Variants in AP3B1 observed in about 807,000 individuals in gnomAD.
AP3B1 encodes adaptor related protein complex 3 subunit beta 1.
AP3B1 carries 61 observed loss-of-function variants against 132.5 expected under a neutral mutation model. The ratio of observed to expected loss-of-function variants is 0.46; its 90% CI spans 0.37 to 0.57. The LOEUF (loss-of-function observed/expected upper bound fraction) is 0.57. AP3B1 is among the 20% of genes least tolerant of loss of function. The pLI is 0.00. For missense variants in AP3B1, 1,120 were observed against 1,289.4 expected (o/e 0.87, Z 2.01); for synonymous variants, 388 against 438.3 (o/e 0.89, Z 1.43).
intron 9 of AP3B1, 94 bp downstream of exon 9, chr5:78,177,245 G>C (rs181678476): frequency 1.2e-6 from 1 of 805,470 alleles, no homozygotes; most frequent in Non-Finnish European, 2.1e-6. Context: ...AATATAGTCA[G>C]AGTTATATAT....
chr5:78,293,234 G>A (rs1269735698), intron 1 of AP3B1, among the ~76,000 whole-genome samples: 1 of 152,152 alleles, frequency 6.6e-6, no homozygotes, highest in Non-Finnish European at 1.5e-5. Context: ...AACCATAAAA[G>A]TAAATTAATT....
At chr5:78,275,622 C>A (rs555739013) in intron 1 of AP3B1, among the ~76,000 whole-genome samples, 3 of 151,988 alleles carry the variant, frequency 2.0e-5, no homozygotes, top group Non-Finnish European at 1.5e-5. Context: ...ATTATAGGCA[C>A]GCGCCACCAC....
intron 3 of AP3B1, among the ~76,000 whole-genome samples, chr5:78,234,705 A>G (rs542253081): frequency 1.3e-5 from 2 of 152,328 alleles, no homozygotes; most frequent in African/African-American, 4.8e-5. Flanking sequence ...TCATCTGTAT[A>G]TTGCAAGGAC....
At chr5:78,192,107 G>A (rs1032892324) in intron 7 of AP3B1, among the ~76,000 whole-genome samples, 8 of 151,718 alleles carry the variant, frequency 5.3e-5, no homozygotes, top group Non-Finnish European at 1.0e-4. Context: ...TGATCCGCCC[G>A]CCTCGGCTTC....
chr5:78,279,721 C>T (rs1748956573), intron 1 of AP3B1, among the ~76,000 whole-genome samples: 1 of 150,420 alleles, frequency 6.6e-6, no homozygotes, highest in Non-Finnish European at 1.5e-5. Flanking sequence ...ACAGCCTGGG[C>T]AACATAGGGA....
chr5:78,211,116 T>C (rs1745718181), intron 7 of AP3B1, among the ~76,000 whole-genome samples: 2 of 152,192 alleles, frequency 1.3e-5, no homozygotes, highest in Admixed American at 1.3e-4. Flanking sequence ...CTGCATCAGC[T>C]TTATTTATAA....
intron 2 of AP3B1, among the ~76,000 whole-genome samples, chr5:78,252,014 G>A (rs955189125): frequency 2.0e-5 from 3 of 152,012 alleles, no homozygotes; most frequent in Non-Finnish European, 4.4e-5. Context: ...ATAGGGCACC[G>A]GTCAGAGTCA....
intron 2 of AP3B1, among the ~76,000 whole-genome samples, chr5:78,263,117 T>C (rs936977645): frequency 1.3e-5 from 2 of 152,226 alleles, no homozygotes; most frequent in Non-Finnish European, 2.9e-5. Flanking sequence ...CATTTTGACA[T>C]CTTAACAATA....
intron 24 of AP3B1, among the ~76,000 whole-genome samples, chr5:78,025,393 G>A (rs1747301673): frequency 6.6e-6 from 1 of 152,118 alleles, no homozygotes; most frequent in Non-Finnish European, 1.5e-5. Flanking sequence ...TAGGGAAAGC[G>A]ATCCTGAAAT....
intron 24 of AP3B1, among the ~76,000 whole-genome samples, chr5:78,025,387 G>C (rs536890366): frequency 8.1e-4 from 124 of 152,214 alleles, no homozygotes; most frequent in African/African-American, 2.9e-3. Flanking sequence ...AGGGGGTAGG[G>C]AAAGCGATCC....
chr5:78,191,793 A>G (rs145612531), intron 7 of AP3B1, among the ~76,000 whole-genome samples: 32 of 152,338 alleles, frequency 2.1e-4, no homozygotes, highest in African/African-American at 7.5e-4. Context: ...AAGGGGGCTT[A>G]TGAAGTATAC....
chr5:78,118,777 T>A (rs1198409793), intron 17 of AP3B1, among the ~76,000 whole-genome samples: 1 of 152,192 alleles, frequency 6.6e-6, no homozygotes, highest in Non-Finnish European at 1.5e-5. Context: ...AAGACAGCAG[T>A]AACCTCTGCA....
At chr5:78,287,527 C>T (rs1385201927) in intron 1 of AP3B1, among the ~76,000 whole-genome samples, 1 of 152,114 alleles carries the variant, frequency 6.6e-6, no homozygotes, top group Non-Finnish European at 1.5e-5. Context: ...AACCCTACTG[C>T]ACCACTGAAA....
intron 12 of AP3B1, among the ~76,000 whole-genome samples, chr5:78,164,713 G>C (rs1386799263): frequency 6.6e-6 from 1 of 152,018 alleles, no homozygotes; most frequent in Admixed American, 6.6e-5. Context: ...GAGTAATCCA[G>C]GTATGAAAAT....
At position 78,177,340 on chromosome 5, in the gene AP3B1, T is replaced by C. The variant is rs774128940; in HGVS notation, c.1039A>G (p.Arg347Gly). ...AATATATATAAAATCATGACCTACC[T>C]ATTGCTACGAAGTAAACGCACTAGT... ...KSLVRLLRSN[R>G]EVQYIVLQNI... The change falls in exon 9 of 27, where the codon AGG becomes GGG. Residue 347 changes from arginine to glycine, a missense_variant and splice_region_variant. Physicochemically the swap from Arg to Gly is moderately radical, Grantham distance 125 (BLOSUM62 -2). Coordinates refer to ENST00000255194, the MANE Select transcript of AP3B1 (RefSeq NM_003664.5). 1 of 1,605,470 alleles carries C rather than the reference T, an allele frequency of 6.2e-7. No homozygotes were observed. The highest frequency in any genetic ancestry group is 1.7e-5 in the Admixed American group (1 of 60,006).
chr5:78,094,739 G>T (rs1750701857), intron 21 of AP3B1, among the ~76,000 whole-genome samples: 1 of 151,942 alleles, frequency 6.6e-6, no homozygotes, highest in Admixed American at 6.6e-5. Context: ...GGAGTGCAGT[G>T]GTGTGATCTT....
chr5:78,011,533 T>G (rs1746627617), intron 26 of AP3B1, among the ~76,000 whole-genome samples: 1 of 152,224 alleles, frequency 6.6e-6, no homozygotes, highest in Non-Finnish European at 1.5e-5. Flanking sequence ...CAATTGATCT[T>G]TAAAAGTGTT....
intron 2 of AP3B1, among the ~76,000 whole-genome samples, chr5:78,265,646 G>T (rs867861079): frequency 6.6e-6 from 1 of 152,112 alleles, no homozygotes; most frequent in Non-Finnish European, 1.5e-5. Context: ...ATCTCCTAGA[G>T]TTCCTTTAAT....
At position 78,031,532 on chromosome 5, in the gene AP3B1, C is replaced by T. The variant is rs549558934; in HGVS notation, c.2894+2829G>A. On this transcript the variant is annotated intron_variant, in intron 24 of 26. Coordinates refer to ENST00000255194, the MANE Select transcript of AP3B1 (RefSeq NM_003664.5). Reference sequence around the variant, plus strand: ...CTTTCCCAGGCAAGTGGCTCATTCTCTTTACAGTTTTATTCTTAAGTCTCA... The same window carrying T: ...CTTTCCCAGGCAAGTGGCTCATTCTTTTTACAGTTTTATTCTTAAGTCTCA... Among the ~76,000 whole-genome samples, 4 of 152,316 alleles carry T rather than the reference C, an allele frequency of 2.6e-5. 1 individual carries two copies. Among genetic ancestry groups the T allele is most frequent in the Admixed American group, 2.6e-4 (4 of 15,300 alleles).
Sources: allele counts gnomAD v4.1 joint callset (sites outside exome capture counted in the v4.1 genomes callset), GRCh38; gene constraint gnomAD v4.1.1; transcripts MANE v1.5; gene names NCBI Gene and HGNC (gene_info 2026-07-23, HGNC 2026-07-21).